The following CHST8 variants were observed in gnomAD, a reference collection of about 807,000 sequenced individuals.
CHST8 encodes the protein carbohydrate sulfotransferase 8, also known as GALNAC-4-ST1.
CHST8 carries 10 observed loss-of-function variants against 15.0 expected under a neutral mutation model. The ratio of observed to expected loss-of-function variants is 0.67; its 90% CI spans 0.41 to 1.13. The LOEUF (loss-of-function observed/expected upper bound fraction) is 1.13, where lower values mean the gene tolerates loss of function less well. Among genes scored for constraint, CHST8 ranks in the 50% most tolerant of loss-of-function variants. The probability of loss-of-function intolerance (pLI) is 0.00; values close to 1 mark genes in which losing one functional copy is unlikely to be tolerated. For synonymous variants in CHST8, 259 were observed against 256.6 expected (o/e 1.01, Z -0.09); for missense variants, 634 against 608.2 (o/e 1.04, Z -0.45).
intron 1 of CHST8, among the ~76,000 whole-genome samples, chr19:33,657,103 G>C (rs192070175): frequency 6.7e-6 from 1 of 149,814 alleles, no homozygotes; most frequent in African/African-American, 2.5e-5. Context: ...AATTTTCCTT[G>C]TGATTGCCAC....
chr19:33,653,447 G>C (rs1190815290), intron 1 of CHST8, among the ~76,000 whole-genome samples: 1 of 152,160 alleles, frequency 6.6e-6, no homozygotes, highest in Non-Finnish European at 1.5e-5. Context: ...TAGGTGTATA[G>C]TTTTATTTTT....
At chr19:33,738,750 C>T (rs1048155123) in intron 3 of CHST8, among the ~76,000 whole-genome samples, 2 of 152,072 alleles carry the variant, frequency 1.3e-5, no homozygotes, top group African/African-American at 2.4e-5. Flanking sequence ...CCAGCATGCC[C>T]GGCTAATTTT....
intron 1 of CHST8, among the ~76,000 whole-genome samples, chr19:33,642,644 T>G (rs1212620008): frequency 1.3e-5 from 2 of 152,308 alleles, no homozygotes; most frequent in East Asian, 3.9e-4. Flanking sequence ...ATTACAGGCG[T>G]GAGCCACTGC....
intron 3 of CHST8, among the ~76,000 whole-genome samples, chr19:33,705,565 T>G (rs544557922): frequency 6.6e-6 from 1 of 152,336 alleles, no homozygotes; most frequent in South Asian, 2.1e-4. Context: ...AAGCAAAGCT[T>G]TCCTGCGAGT....
intron 1 of CHST8, among the ~76,000 whole-genome samples, chr19:33,653,130 A>G (rs931336908): frequency 6.6e-6 from 1 of 151,994 alleles, no homozygotes; most frequent in African/African-American, 2.4e-5. Context: ...TGTGTGTGAG[A>G]GTTCTGTTTT....
chr19:33,661,584 G>T (rs1316359120), intron 1 of CHST8, among the ~76,000 whole-genome samples: 2 of 152,308 alleles, frequency 1.3e-5, no homozygotes, highest in East Asian at 1.9e-4. Context: ...CAGGAAAGGG[G>T]TGATGCCCAC....
chr19:33,682,903 GCAGGCTGTA>G (rs1453445976), intron 2 of CHST8, among the ~76,000 whole-genome samples: 1 of 152,190 alleles, frequency 6.6e-6, no homozygotes, highest in Non-Finnish European at 1.5e-5. Flanking sequence ...TTGTGGTTCT[GCAGGCTGTA>G]CAGGAAGCAT....
intron 1 of CHST8, among the ~76,000 whole-genome samples, chr19:33,627,267 AT>A (rs542383728): frequency 2.8e-3 from 403 of 142,934 alleles, no homozygotes; most frequent in African/African-American, 5.4e-3. Flanking sequence ...TGCCCAGCTA[AT>A]TTTTTTTTTT....
chr19:33,655,989 A>T (rs1402500640), intron 1 of CHST8, among the ~76,000 whole-genome samples: 2 of 152,094 alleles, frequency 1.3e-5, no homozygotes, highest in Non-Finnish European at 2.9e-5. Context: ...TTTCTTCTTT[A>T]CGAATAAAAC....
intron 2 of CHST8, among the ~76,000 whole-genome samples, chr19:33,680,040 C>T (rs1972864343): frequency 6.6e-6 from 1 of 152,204 alleles, no homozygotes; most frequent in Non-Finnish European, 1.5e-5. Context: ...GGCCTACATC[C>T]CTATTCCACT....
At chr19:33,734,147 A>G (rs1974040922) in intron 3 of CHST8, among the ~76,000 whole-genome samples, 1 of 152,218 alleles carries the variant, frequency 6.6e-6, no homozygotes, top group East Asian at 1.9e-4. Flanking sequence ...GCAGTAAGGA[A>G]GCCGGCTAAA....
chr19:33,684,048 C>G (rs1382707656), intron 2 of CHST8, among the ~76,000 whole-genome samples: 1 of 152,206 alleles, frequency 6.6e-6, no homozygotes, highest in African/African-American at 2.4e-5. Flanking sequence ...CGTGGCCTGT[C>G]AGTCTTTGGC....
At chr19:33,716,846 G>A (rs1233064318) in intron 3 of CHST8, among the ~76,000 whole-genome samples, 2 of 152,208 alleles carry the variant, frequency 1.3e-5, no homozygotes, top group African/African-American at 4.8e-5. Flanking sequence ...TGGAGGCCAG[G>A]AGTCTGAGAT....
chr19:33,706,697 C>A lies in CHST8; in HGVS notation c.130+17306C>A, dbSNP rs80068448. Among the ~76,000 whole-genome samples, 1,307 of 152,296 alleles carry A rather than the reference C, an allele frequency of 8.6e-3. 19 individuals are homozygous for A. Among genetic ancestry groups the A allele is most frequent in the African/African-American group, 0.028 (1,181 of 41,540 alleles). On this transcript the variant is annotated intron_variant, in intron 3 of 4. Coordinates refer to ENST00000650847, the MANE Select transcript of CHST8 (RefSeq NM_001127895.2). ...ACAGACCAAATAATGAAATTACATT[C>A]ATAATATTTCAGGTCAAGTGATCGC...
At position 33,690,703 on chromosome 19, in the gene CHST8, G is replaced by A. The variant is rs533991953; in HGVS notation, c.130+1312G>A. On this transcript the variant is annotated intron_variant, in intron 3 of 4. Coordinates refer to ENST00000650847, the MANE Select transcript of CHST8 (RefSeq NM_001127895.2). Reference sequence around the variant, plus strand: ...GAAGTGGGTCTGGCCGCTCCCAGGCGTCTGGAGCAGCAGGTGCGCAGCAGA... The same window carrying A: ...GAAGTGGGTCTGGCCGCTCCCAGGCATCTGGAGCAGCAGGTGCGCAGCAGA... 6.6e-5 allele frequency among the ~76,000 whole-genome samples: 10 copies of A among 152,346 alleles called. No homozygotes were observed. The East Asian group carries it at 1.2e-3, about 18-fold the overall frequency.
At chr19:33,698,522 G>A (rs140880569) in intron 3 of CHST8, among the ~76,000 whole-genome samples, 1 of 152,090 alleles carries the variant, frequency 6.6e-6, no homozygotes, top group African/African-American at 2.4e-5. Context: ...CAAGGATATC[G>A]CATGCAGTGT....
chr19:33,727,876 A>T (rs1973930491), intron 3 of CHST8, among the ~76,000 whole-genome samples: 1 of 152,124 alleles, frequency 6.6e-6, no homozygotes, highest in South Asian at 2.1e-4. Context: ...TTCGGCCTCC[A>T]CTGACTGCTG....
intron 2 of CHST8, among the ~76,000 whole-genome samples, chr19:33,687,028 C>A (rs1273266005): frequency 6.6e-6 from 1 of 152,258 alleles, no homozygotes; most frequent in Admixed American, 6.5e-5. Context: ...ACATCTTTTC[C>A]ATTCTTCTAA....
Position 33,757,474 on chromosome 19 carries a change from G to T in CHST8, c.131-13939G>T, listed in dbSNP as rs796392970. Among the ~76,000 whole-genome samples the T allele has an allele frequency of 3.0e-3, 127 of 41,774 alleles. 14 individuals carry two copies. The highest frequency in any genetic ancestry group is 7.6e-3 in the Admixed American group (30 of 3,944). 27.4% of individuals were successfully genotyped at this position (41,774 alleles called of 152,430 possible). A position where few individuals can be genotyped will look rare whatever the true frequency, so the allele number is the denominator to read the frequency against. On this transcript the variant is annotated intron_variant, in intron 3 of 4. Transcript: ENST00000650847. Reference sequence around the variant, plus strand: ...AGAAAGAAAGAAAGAAAGAAAGAAAGAAAGAAAGAAAGAAAGAAAGAAAGA... The same window carrying T: ...AGAAAGAAAGAAAGAAAGAAAGAAATAAAGAAAGAAAGAAAGAAAGAAAGA...
Sources: allele counts gnomAD v4.1 joint callset (sites outside exome capture counted in the v4.1 genomes callset), GRCh38; gene constraint gnomAD v4.1.1; transcripts MANE v1.5; gene names NCBI Gene and HGNC (gene_info 2026-07-23, HGNC 2026-07-21).